Variants in EIF4A2 observed in about 807,000 individuals in gnomAD.
EIF4A2 encodes the protein eukaryotic initiation factor 4A-II.
Under a neutral mutation model 50.6 loss-of-function variants are expected in EIF4A2, and 9 were observed. The observed-to-expected ratio is 0.18, with a 90% CI of 0.11 to 0.31. The LOEUF is 0.31. EIF4A2 is among the 10% of genes least tolerant of loss of function. The pLI is 1.00. For missense variants in EIF4A2, 182 were observed against 501.8 expected, an observed-to-expected ratio of 0.36 and a Z score of 6.09; for synonymous variants, 215 against 164.4, an observed-to-expected ratio of 1.31 and a Z score of -2.35.
chr3:186,788,012 T>C, intron 10 of EIF4A2, 130 bp downstream of exon 10: 1 of 1,021,752 alleles, frequency 9.8e-7, no homozygotes. Context: ...GATGATGTAA[T>C]TAAATTTGTA....
chr3:186,783,774 C>A, intron 1 of EIF4A2, 135 bp downstream of exon 1: 1 of 1,396,356 alleles, frequency 7.2e-7, no homozygotes, highest in Non-Finnish European at 1.0e-6. Context: ...TGTGCCCTTC[C>A]AGAAGCTTCC....
chr3:186,786,664 G>A lies in EIF4A2; in HGVS notation c.771+19G>A. ...GAGAGAGGTAACTGTCTGATTGTTA[G>A]ACATTATTTTACCTTCTTGTATAAG... On this transcript the variant is annotated intron_variant, in intron 7 of 10. Coordinates refer to ENST00000323963, the MANE Select transcript of EIF4A2 (RefSeq NM_001967.4). 3.1e-6 allele frequency: 5 copies of A among 1,613,136 alleles called. No homozygotes were observed.
chr3:186,786,720 A>G, intron 7 of EIF4A2, 75 bp downstream of exon 7: 1 of 1,598,926 alleles, frequency 6.3e-7, no homozygotes, highest in Non-Finnish European at 8.6e-7. Flanking sequence ...CACTAGGACC[A>G]TGTCTTGGTT....
In EIF4A2 at chr3:186,784,597, G is replaced by A. The variant is rs953593626; in HGVS notation, c.109G>A (p.Asp37Asn). Residue 37 changes from aspartate (D) to asparagine (N), a missense_variant, in exon 3 of 11, where the codon GAT (aspartate) becomes AAT (asparagine). Coordinates refer to ENST00000323963, the MANE Select transcript of EIF4A2 (RefSeq NM_001967.4). ...GAATGAGATTGTTGATAACTTTGAT[G>A]ATATGAATTTAAAGGAGTCTCTCCT... The part of the protein sequence containing the change: ...NWNEIVDNFD[D>N]MNLKESLLRG... 2 of 1,614,210 alleles carry A rather than the reference G, an allele frequency of 1.2e-6. No homozygotes were observed. Among genetic ancestry groups the A allele is most frequent in the East Asian group, 2.2e-5 (1 of 44,884 alleles).
intron 7 of EIF4A2, 93 bp from the exon 8 acceptor site, chr3:186,787,034 A>G (rs904856305): frequency 1.5e-5 from 22 of 1,499,426 alleles, no homozygotes; most frequent in Non-Finnish European, 1.9e-5. Context: ...CTGGGATTAC[A>G]GGCATTAGCA....
Position 186,789,820 on chromosome 3 carries a change from T to G in EIF4A2, c.*551T>G. 8 of 629,454 alleles carry G rather than the reference T, an allele frequency of 1.3e-5. No homozygotes were observed. The South Asian group carries it at 1.4e-4, about 11-fold the overall frequency. The allele number at this position is 629,454 out of a possible 1,614,324, so 39.0% of individuals were successfully genotyped here. On this transcript the variant is annotated 3_prime_UTR_variant, in exon 11 of 11. Transcript: ENST00000323963. ...CCAGCAAGCAATCCTAGGTAGGGTT[T>G]AATCCCCAGTAAAATTGCCATATTG...
chr3:186,784,165 C>T lies in EIF4A2; in HGVS notation c.30-267C>T, dbSNP rs1579154910. ...CACCCGGCTTGCGCATTGTTGGGGG[C>T]GGAGTTCGGCGCTCCGAGCTCTCGC... On this transcript the variant is annotated intron_variant, in intron 1 of 10. Transcript: ENST00000323963. The T allele has an allele frequency of 7.3e-6, 4 of 546,014 alleles. No individual in the cohort carries two copies. In the East Asian group the frequency reaches 1.3e-4, roughly 17 times the overall value. 33.8% of individuals were successfully genotyped at this position (546,014 alleles called of 1,614,324 possible). A position where few individuals can be genotyped will look rare whatever the true frequency, so the allele number is the denominator to read the frequency against.
chr3:186,789,328 G>A lies in EIF4A2; in HGVS notation c.*59G>A, dbSNP rs1579171420. ...CTGTTGCTGAATAGGCGATCACAAC[G>A]TGCATTGTGCTTCTTTCTTTGGGAA... is the stretch of plus-strand genomic sequence containing the variant. On this transcript the variant is annotated 3_prime_UTR_variant, in exon 11 of 11. Transcript: ENST00000323963. The A allele has an allele frequency of 2.6e-6, 4 of 1,536,692 alleles. No individual in the cohort carries two copies. The highest frequency in any genetic ancestry group is 1.2e-5 in the South Asian group (1 of 80,290).
intron 7 of EIF4A2, 109 bp from the exon 8 acceptor site, chr3:186,787,018 A>G (rs1721769814): frequency 6.9e-7 from 1 of 1,452,892 alleles, no homozygotes; most frequent in Non-Finnish European, 9.3e-7. Context: ...CTAGGATCCC[A>G]AAGGGCTGGG....
intron 1 of EIF4A2, chr3:186,784,051 A>C (rs996506641): frequency 2.3e-6 from 1 of 426,786 alleles, no homozygotes; most frequent in Non-Finnish European, 4.3e-6. Flanking sequence ...AGCGGTCTCC[A>C]CTCGGCCACG....
In EIF4A2 at chr3:186,786,496, T is replaced by C. The variant is rs373986173; in HGVS notation, c.628-6T>C. ...TTGTGCTACAACATAATTTTCTCTT[T>C]TTAAGGTTGTGTTGCTTTCTGCCAC... is the stretch of plus-strand genomic sequence containing the variant. On this transcript the variant is annotated splice_polypyrimidine_tract_variant and splice_region_variant and intron_variant, in intron 6 of 10. Coordinates refer to ENST00000323963, the MANE Select transcript of EIF4A2 (RefSeq NM_001967.4). The C allele has an allele frequency of 4.3e-6, 7 of 1,610,872 alleles. No individual in the cohort carries two copies. The African/African-American group carries it at 5.3e-5, about 12-fold the overall frequency.
rs1722006506 is a variant in EIF4A2, at chr3:186,789,774, A to ACT, written c.*506_*507dup. 1 of 562,564 alleles carries ACT rather than the reference A, an allele frequency of 1.8e-6. No individual in the cohort carries two copies. Among genetic ancestry groups the ACT allele is most frequent in the African/African-American group, 1.9e-5 (1 of 53,014 alleles). The allele number at this position is 562,564 out of a possible 1,614,324, so 34.8% of individuals were successfully genotyped here. A position where few individuals can be genotyped will look rare whatever the true frequency, so the allele number is the denominator to read the frequency against. Reference sequence around the variant, plus strand: ...AGTATTTAATTAGTGCTAAGTGTGAACTGGACCCTGTTGCTAAGCCCCAGC... The same window carrying ACT: ...AGTATTTAATTAGTGCTAAGTGTGAACTCTGGACCCTGTTGCTAAGCCCCAGC... On this transcript the variant is annotated 3_prime_UTR_variant, in exon 11 of 11. Coordinates refer to ENST00000323963, the MANE Select transcript of EIF4A2 (RefSeq NM_001967.4).
At chr3:186,784,903 G>A (rs751936510) in intron 3 of EIF4A2, 59 bp from the exon 4 acceptor site, 3 of 1,613,396 alleles carry the variant, frequency 1.9e-6, no homozygotes, top group South Asian at 2.2e-5. Context: ...AATACATGGT[G>A]TGAAGTAGAA....
At chr3:186,783,893 C>A in intron 1 of EIF4A2, 1 of 571,818 alleles carries the variant, frequency 1.7e-6, no homozygotes, top group Non-Finnish European at 3.1e-6. Context: ...TGCTTTCCTT[C>A]CCAGTGTAGA....
rs1579155779 is a variant in EIF4A2, at chr3:186,784,403, G to GTGTC, written c.30-26_30-23dup. The GTGTC allele has an allele frequency of 3.1e-6, 5 of 1,614,230 alleles. No homozygotes were observed. In the East Asian group the frequency reaches 8.9e-5, roughly 29 times the overall value. On this transcript the variant is annotated intron_variant, in intron 1 of 10. Transcript: ENST00000323963. The stretch of plus-strand genomic sequence containing the variant: ...GTGCAGTTGAGGTGGCCTGGAAGGG[G>GTGTC]TGTCTGACTGCAGTATTCTTGTCAG...
chr3:186,789,260 C>T lies in EIF4A2; in HGVS notation c.1215C>T (p.Asp405=), dbSNP rs368170770. The T allele has an allele frequency of 5.0e-6, 8 of 1,606,872 alleles. No homozygotes were observed. The African/African-American group carries it at 8.0e-5, about 16-fold the overall frequency. ...AGGAGATGCCCATGAATGTGGCTGA[C>T]CTTATTTAATTCCTGGGATGAGAGT... ...TVEEMPMNVA[D]LI Residue 405 remains aspartate (D), a synonymous_variant, in exon 11 of 11, where the codon GAC becomes GAT. Transcript: ENST00000323963.
At chr3:186,785,590 T>A in intron 4 of EIF4A2, 1 of 362,980 alleles carries the variant, frequency 2.8e-6, no homozygotes, top group Non-Finnish European at 5.0e-6. Context: ...AGAACATAAA[T>A]TTCACTACGT....
intron 2 of EIF4A2, 29 bp downstream of exon 2, chr3:186,784,506 T>C: frequency 6.2e-7 from 1 of 1,614,156 alleles, no homozygotes; most frequent in South Asian, 1.1e-5. Context: ...TCTTGAAGCT[T>C]TGGAAAGGTG....
At chr3:186,787,622 T>G (rs1387568154) in intron 9 of EIF4A2, 38 bp downstream of exon 9, 1 of 1,612,886 alleles carries the variant, frequency 6.2e-7, no homozygotes, top group African/African-American at 1.3e-5. Context: ...CTACCAAAAG[T>G]TAGCTTTTTG....
Sources: gnomAD v4.1 joint callset for allele counts on GRCh38, gnomAD v4.1.1 for gene constraint, MANE v1.5 for transcripts, NCBI Gene and HGNC (gene_info 2026-07-23, HGNC 2026-07-21) for gene names.